RARB: variants seen among roughly 807,000 people sequenced by gnomAD.
RARB encodes retinoic acid receptor beta, also known as HBV-activated protein.
A neutral mutation model predicts 51.9 loss-of-function variants in RARB; 17 were observed. The ratio of observed to expected loss-of-function variants is 0.33; its 90% CI spans 0.22 to 0.49. The LOEUF is 0.49. Among genes scored for constraint, RARB ranks in the 20% least tolerant of loss-of-function variants. The pLI is 0.99. For synonymous variants in RARB, 215 were observed against 195.4 expected (o/e 1.10, Z -0.84); for missense variants, 369 against 550.8 (o/e 0.67, Z 3.30).
chr3:25,171,691 G>C (rs1029760996), intron 4 of RARB, among the ~76,000 whole-genome samples: 1 of 124,754 alleles, frequency 8.0e-6, no homozygotes, highest in African/African-American at 2.9e-5. Flanking sequence ...TGTGCCCTGC[G>C]GGGGTGGATT....
At chr3:24,872,199 T>A (rs1702960984) in intron 2 of RARB, among the ~76,000 whole-genome samples, 1 of 152,114 alleles carries the variant, frequency 6.6e-6, no homozygotes, top group Non-Finnish European at 1.5e-5. Flanking sequence ...CCTTTCTGAT[T>A]TCCTCCACCA....
intron 5 of RARB, among the ~76,000 whole-genome samples, chr3:25,190,796 A>C (rs576404497): frequency 4.6e-5 from 7 of 152,260 alleles, no homozygotes; most frequent in African/African-American, 1.7e-4. Flanking sequence ...TCACATCAGT[A>C]ATAGTCATAA....
intron 3 of RARB, among the ~76,000 whole-genome samples, chr3:25,505,304 T>C (rs942692202): frequency 2.0e-5 from 3 of 152,160 alleles, no homozygotes; most frequent in African/African-American, 7.2e-5. Context: ...CTGAAATATA[T>C]ACTGCGTGCC....
intron 3 of RARB, among the ~76,000 whole-genome samples, chr3:25,537,566 C>T (rs560237134): frequency 4.6e-5 from 7 of 152,272 alleles, no homozygotes; most frequent in South Asian, 2.1e-4. Flanking sequence ...GCCCTTGATT[C>T]CTAACCCCAC....
At chr3:24,913,042 G>GCCT (rs2125380828) in intron 2 of RARB, among the ~76,000 whole-genome samples, 1 of 134,826 alleles carries the variant, frequency 7.4e-6, no homozygotes, top group Admixed American at 8.8e-5. Flanking sequence ...GTGCAGTGGC[G>GCCT]CCTTCTCGGC....
intron 4 of RARB, among the ~76,000 whole-genome samples, chr3:25,144,926 C>G (rs890042300): frequency 1.3e-5 from 2 of 152,190 alleles, no homozygotes; most frequent in Non-Finnish European, 2.9e-5. Context: ...ATTAGCACTT[C>G]AGCATACAGT....
chr3:24,879,760 A>G (rs765807573), intron 2 of RARB, among the ~76,000 whole-genome samples: 1 of 152,160 alleles, frequency 6.6e-6, no homozygotes, highest in African/African-American at 2.4e-5. Context: ...AGGTCCTGCT[A>G]GGATTTCCCA....
At chr3:25,368,667 C>T (rs1176937896) in intron 5 of RARB, among the ~76,000 whole-genome samples, 1 of 152,158 alleles carries the variant, frequency 6.6e-6, no homozygotes, top group African/African-American at 2.4e-5. Context: ...CAGTTCTAGC[C>T]TTGATAGATG....
intron 5 of RARB, among the ~76,000 whole-genome samples, chr3:25,235,776 T>G (rs1435612720): frequency 6.6e-6 from 1 of 152,216 alleles, no homozygotes; most frequent in Non-Finnish European, 1.5e-5. Context: ...AAACCCCTTC[T>G]TTGACTATTA....
intron 5 of RARB, among the ~76,000 whole-genome samples, chr3:25,245,859 TG>T: frequency 6.6e-6 from 1 of 152,290 alleles, no homozygotes; most frequent in Non-Finnish European, 1.5e-5. Context: ...ATTTGAATGT[TG>T]GCCTGTCTTG....
At chr3:25,063,296 T>C (rs1195794507) in intron 3 of RARB, among the ~76,000 whole-genome samples, 1 of 152,040 alleles carries the variant, frequency 6.6e-6, no homozygotes, top group South Asian at 2.1e-4. Flanking sequence ...ATTCTCTTGA[T>C]AAGAAAGGTG....
intron 5 of RARB, among the ~76,000 whole-genome samples, chr3:25,211,839 T>C (rs1701704853): frequency 6.6e-6 from 1 of 152,206 alleles, no homozygotes; most frequent in African/African-American, 2.4e-5. Context: ...TGATCCATAA[T>C]TTGCAGACTC....
chr3:25,117,817 C>T (rs1419494816), intron 3 of RARB, among the ~76,000 whole-genome samples: 1 of 152,152 alleles, frequency 6.6e-6, no homozygotes. Context: ...TTACTTATTT[C>T]TATCCTTCCT....
chr3:24,951,859 T>G (rs1279086742), intron 2 of RARB, among the ~76,000 whole-genome samples: 1 of 152,242 alleles, frequency 6.6e-6, no homozygotes, highest in African/African-American at 2.4e-5. Flanking sequence ...CAGTAGGGAT[T>G]TGACTCACCT....
chr3:24,918,116 T>A (rs769519494), intron 2 of RARB, among the ~76,000 whole-genome samples: 2 of 152,206 alleles, frequency 1.3e-5, no homozygotes, highest in Non-Finnish European at 2.9e-5. Flanking sequence ...AGAATAACAT[T>A]GTTCTTAGTA....
chr3:25,192,193 T>G (rs1190673012), intron 5 of RARB, among the ~76,000 whole-genome samples: 1 of 152,132 alleles, frequency 6.6e-6, no homozygotes, highest in South Asian at 2.1e-4. Context: ...ATTCTCTAAG[T>G]ACAACTAAAT....
intron 4 of RARB, among the ~76,000 whole-genome samples, chr3:25,143,306 C>T (rs942082130): frequency 9.2e-5 from 14 of 152,180 alleles, no homozygotes; most frequent in African/African-American, 3.1e-4. Flanking sequence ...AGGTGAGTTG[C>T]TGAGGCACTG....
chr3:25,442,108 T>A (rs112081909), intron 1 of RARB, among the ~76,000 whole-genome samples: 15,119 of 114,952 alleles, frequency 0.13, 863 homozygotes, highest in South Asian at 0.2. Context: ...TTTTTAATTT[T>A]ATTTTATTTT....
intron 1 of RARB, among the ~76,000 whole-genome samples, chr3:25,448,215 G>A (rs1374498231): frequency 1.3e-5 from 2 of 152,088 alleles, no homozygotes; most frequent in Admixed American, 6.5e-5. Flanking sequence ...TATAAAGGTG[G>A]ACAAGTTTCG....
Sources: allele counts gnomAD v4.1 joint callset (sites outside exome capture counted in the v4.1 genomes callset), GRCh38; gene constraint gnomAD v4.1.1; transcripts MANE v1.5; gene names NCBI Gene and HGNC (gene_info 2026-07-23, HGNC 2026-07-21).